The following COL1A2 variants were observed in gnomAD, a reference collection of about 807,000 sequenced individuals.
COL1A2 encodes the protein collagen alpha-2(I) chain.
COL1A2 carries 49 observed loss-of-function variants against 174.3 expected under a neutral mutation model. The ratio of observed to expected loss-of-function variants is 0.28; its 90% CI spans 0.22 to 0.36. COL1A2 has a LOEUF of 0.36. Ranked by LOEUF, COL1A2 falls within the 10% of genes least tolerant of loss-of-function variation. The pLI, the probability that COL1A2 is intolerant of heterozygous loss-of-function variation, is 1.00. For missense variants in COL1A2, 1,438 were observed against 1,822.7 expected, an observed-to-expected ratio of 0.79 and a Z score of 3.84; for synonymous variants, 655 against 606.6, an observed-to-expected ratio of 1.08 and a Z score of -1.17.
rs1792376805 is a variant in COL1A2, at chr7:94,430,466, T to G, written c.*73T>G. On this transcript the variant is annotated 3_prime_UTR_variant, in exon 52 of 52. Transcript: ENST00000297268. ...TCTTTGCCATTTCTTCTTCTTCTTT[T>G]TTAACTGAAAGCTGAATCCTTCCAT... 6.7e-7 allele frequency: 1 copy of G among 1,494,282 alleles called. No homozygotes were observed. Among genetic ancestry groups the G allele is most frequent in the Non-Finnish European group, 9.2e-7 (1 of 1,083,310 alleles). 92.6% of individuals were successfully genotyped at this position (1,494,282 alleles called of 1,614,324 possible). A position where few individuals can be genotyped will look rare whatever the true frequency, so the allele number is the denominator to read the frequency against.
At position 94,413,913 on chromosome 7, in the gene COL1A2, G is replaced by C. The variant is rs72658135; in HGVS notation, c.1631G>C (p.Gly544Ala). 1 of 1,614,066 alleles carries C rather than the reference G, an allele frequency of 6.2e-7. No homozygotes were observed. The highest frequency in any genetic ancestry group is 8.5e-7 in the Non-Finnish European group (1 of 1,179,926). Reference protein sequence around the residue: ...PGPQGVQGGKGEQGPPGPPGF... With the variant: ...PGPQGVQGGKAEQGPPGPPGF... ...TTTCAGGGTGTTCAAGGTGGAAAAG[G>C]TGAACAGGGTCCCCCTGGTCCTCCA... The change falls in exon 28 of 52, where the codon GGT becomes GCT. Residue 544 changes from glycine to alanine, a missense_variant. By Grantham distance (60) the Gly-to-Ala change is moderately conservative. Transcript: ENST00000297268.
chr7:94,416,494 T>C lies in COL1A2; in HGVS notation c.1854T>C (p.Asp618=), dbSNP rs747305213. 5.7e-6 allele frequency: 9 copies of C among 1,568,122 alleles called. No individual in the cohort carries two copies. Among genetic ancestry groups the C allele is most frequent in the Admixed American group, 1.9e-5 (1 of 53,524 alleles). ...GTCCTTCTGGACCCCCAGGGCCTGA[T>C]GGAAACAAGGTAAAATCTTATGTTT... ...SRGPSGPPGP[D]GNKGEPGVVG... Residue 618 remains aspartate, a synonymous_variant, in exon 31 of 52, where the codon GAT becomes GAC. Coordinates refer to ENST00000297268, the MANE Select transcript of COL1A2 (RefSeq NM_000089.4).
rs776022553 is a variant in COL1A2, at chr7:94,429,221, G to A, written c.3745G>A (p.Glu1249Lys). Reference protein sequence around the residue: ...EYNVEGVTSKEMATQLAFMRL... With the variant: ...EYNVEGVTSKKMATQLAFMRL... ...TAATGTAGAAGGAGTGACTTCCAAG[G>A]AAATGGCTACCCAACTTGCCTTCAT... Residue 1249 changes from glutamate (E) to lysine (K), a missense_variant, in exon 51 of 52, where the codon GAA (glutamate) becomes AAA (lysine). Coordinates refer to ENST00000297268, the MANE Select transcript of COL1A2 (RefSeq NM_000089.4). 4 of 1,612,928 alleles carry A rather than the reference G, an allele frequency of 2.5e-6. No homozygotes were observed. The highest frequency in any genetic ancestry group is 3.4e-6 in the Non-Finnish European group (4 of 1,179,358).
intron 4 of COL1A2, among the ~76,000 whole-genome samples, chr7:94,399,799 C>G (rs1791651134): frequency 6.6e-6 from 1 of 152,168 alleles, no homozygotes; most frequent in Non-Finnish European, 1.5e-5. Context: ...AATTCATTCA[C>G]ATGTAACATA....
At chr7:94,418,608 G>C in intron 33 of COL1A2, 56 bp downstream of exon 33, 2 of 1,457,032 alleles carry the variant, frequency 1.4e-6, no homozygotes, top group Non-Finnish European at 1.9e-6. Context: ...TTTTATGTTT[G>C]AATTGAGAAG....
intron 48 of COL1A2, 41 bp from the exon 49 acceptor site, chr7:94,427,586 C>T (rs423857): frequency 1.1e-4 from 182 of 1,612,330 alleles, no homozygotes; most frequent in Non-Finnish European, 1.4e-4. Context: ...CTCACTGTAA[C>T]AAAATATAAA....
chr7:94,421,261 C>A, intron 38 of COL1A2, 199 bp downstream of exon 38: 1 of 639,380 alleles, frequency 1.6e-6, no homozygotes, highest in Non-Finnish European at 2.8e-6. Context: ...TATCAGCTCA[C>A]TTGAGGTAAT....
intron 41 of COL1A2, chr7:94,424,801 G>T: frequency 2.1e-6 from 1 of 465,230 alleles, no homozygotes; most frequent in Non-Finnish European, 3.9e-6. Context: ...AACCTTATAC[G>T]TGACAACAAC....
intron 25 of COL1A2, 101 bp downstream of exon 25, chr7:94,412,783 T>C (rs1254140872): frequency 2.8e-6 from 3 of 1,063,380 alleles, no homozygotes; most frequent in South Asian, 1.3e-5. Context: ...TCTCAGGGAG[T>C]TTCCTTTCAA....
Position 94,408,346 on chromosome 7 carries a change from G to A in COL1A2, c.704G>A (p.Gly235Asp), listed in dbSNP as rs1791847482. 17 of 1,613,992 alleles carry A rather than the reference G, an allele frequency of 1.1e-5. No homozygotes were observed. The East Asian group carries it at 2.7e-4, about 25-fold the overall frequency. Reference protein sequence around the residue: ...VGAPGPAGARGSDGSVGPVGP... With the variant: ...VGAPGPAGARDSDGSVGPVGP... ...TTATTTTCTTCTTAGGGTGCCCGTGGCAGTGATGGAAGTGTGGGTCCCGTG... is the reference window on the plus strand; with the variant it reads ...TTATTTTCTTCTTAGGGTGCCCGTGACAGTGATGGAAGTGTGGGTCCCGTG... The change falls in exon 15 of 52, where the codon GGC (glycine) becomes GAC (aspartate). Residue 235 changes from glycine to aspartate, a missense_variant. This residue lies in a region of COL1A2 where 281 missense variants were observed against 310.9 expected (regional missense o/e 0.90). Coordinates refer to ENST00000297268, the MANE Select transcript of COL1A2 (RefSeq NM_000089.4).
In COL1A2 at chr7:94,427,248, G is replaced by T. The variant is rs752444515; in HGVS notation, c.3220G>T (p.Val1074Phe). The part of the protein sequence containing the change: ...KDGRTGHPGT[V>F]GPAGIRGPQG... The stretch of plus-strand genomic sequence containing the variant: ...TGGTCGCACTGGACATCCTGGTACA[G>T]TTGGACCTGCTGGCATTCGAGGCCC... Residue 1074 changes from valine to phenylalanine, a missense_variant, in exon 48 of 52, where the codon GTT (valine) becomes TTT (phenylalanine). Around this residue, in one of 3 missense-constraint regions of COL1A2, gnomAD observed 867 missense variants for 1,213.7 expected, o/e 0.71. Transcript: ENST00000297268. 2.5e-6 allele frequency: 4 copies of T among 1,613,846 alleles called. No individual in the cohort carries two copies. The highest frequency in any genetic ancestry group is 3.4e-6 in the Non-Finnish European group (4 of 1,179,960).
rs1791662181 is a variant in COL1A2, at chr7:94,400,188, C to T, written c.133-8C>T. 2 of 1,613,614 alleles carry T rather than the reference C, an allele frequency of 1.2e-6. No homozygotes were observed. Among genetic ancestry groups the T allele is most frequent in the African/African-American group, 1.3e-5 (1 of 74,838 alleles). On this transcript the variant is annotated splice_polypyrimidine_tract_variant and splice_region_variant and intron_variant, in intron 4 of 51. Transcript: ENST00000297268. ...CTAACCTGACCTTACTCACTTTTTA[C>T]ATAACAGGGTCCACCAGGCCCCCCA...
At chr7:94,400,705 C>T (rs953606837) in intron 5 of COL1A2, among the ~76,000 whole-genome samples, 6 of 152,222 alleles carry the variant, frequency 3.9e-5, no homozygotes, top group South Asian at 2.1e-4. Flanking sequence ...ACATTCAAAG[C>T]GGTTTTAGGT....
chr7:94,412,816 T>C, intron 25 of COL1A2, 134 bp downstream of exon 25: 2 of 826,684 alleles, frequency 2.4e-6, no homozygotes, highest in South Asian at 1.5e-5. Context: ...GCAGGCCACT[T>C]ATCACATTAA....
At chr7:94,428,620 A>G in intron 50 of COL1A2, 143 bp downstream of exon 50, 1 of 752,578 alleles carries the variant, frequency 1.3e-6, no homozygotes. Context: ...ATTTTGTCCT[A>G]AATTGCACAT....
Sources: gnomAD v4.1 joint callset for allele counts (sites outside exome capture counted in the v4.1 genomes callset) on GRCh38, gnomAD v4.1.1 for gene constraint, gnomAD v4.1.1 regional missense constraint, MANE v1.5 for transcripts, NCBI Gene and HGNC (gene_info 2026-07-23, HGNC 2026-07-21) for gene names.